SLC9A7: variants seen among roughly 807,000 people sequenced by gnomAD.
SLC9A7 encodes the protein sodium/hydrogen exchanger 7.
SLC9A7 carries 19 observed loss-of-function variants against 52.6 expected under a neutral mutation model. The ratio of observed to expected loss-of-function variants is 0.36; its 90% CI spans 0.25 to 0.53. The LOEUF (loss-of-function observed/expected upper bound fraction) is 0.53. Ranked by LOEUF, SLC9A7 falls within the 20% of genes least tolerant of loss-of-function variation. The probability of loss-of-function intolerance (pLI) is 0.91; values close to 1 mark genes in which losing one functional copy is unlikely to be tolerated. For synonymous variants in SLC9A7, 226 were observed against 252.1 expected, an observed-to-expected ratio of 0.90 and a Z score of 0.98; for missense variants, 455 against 597.9, an observed-to-expected ratio of 0.76 and a Z score of 2.49.
intron 1 of SLC9A7, among the ~76,000 whole-genome samples, chrX:46,746,999 A>C (rs1569526385): frequency 1.8e-5 from 2 of 112,341 alleles, no homozygotes; most frequent in Non-Finnish European, 1.9e-5. Flanking sequence ...AGTAGGATGG[A>C]TGGAACTGGA....
At chrX:46,659,873 C>T (rs1459749164) in intron 7 of SLC9A7, among the ~76,000 whole-genome samples, 1 of 101,668 alleles carries the variant, frequency 9.8e-6, no homozygotes, top group African/African-American at 3.7e-5. Flanking sequence ...GAAAAAACTA[C>T]TTTAAAGTTC....
intron 1 of SLC9A7, among the ~76,000 whole-genome samples, chrX:46,746,416 A>G (rs1300718486): frequency 9.0e-6 from 1 of 111,606 alleles, no homozygotes. Flanking sequence ...ATTAATAACC[A>G]GAATATATAA....
intron 7 of SLC9A7, among the ~76,000 whole-genome samples, chrX:46,655,395 G>A (rs757814940): frequency 3.3e-4 from 37 of 112,111 alleles, no homozygotes; most frequent in Non-Finnish European, 5.3e-4. Flanking sequence ...GAACAGCTCC[G>A]GTCTACAGCT....
chrX:46,679,713 G>A lies in SLC9A7; in HGVS notation c.568C>T (p.Pro190Ser). ...PEVFFNILLP[P>S]IIFHAGYSLK... ...CTGTATCCAGCATGAAAAATAATTG[G>A]AGGCAGAAGAATGTTGAAAAATACT... Residue 190 changes from proline (P) to serine (S), a missense_variant, in exon 3 of 17, where the codon CCA becomes TCA. Around this residue, in one of 3 missense-constraint regions of SLC9A7, gnomAD observed 304 missense variants for 417.8 expected, o/e 0.73. Transcript: ENST00000616978. 1 of 1,200,331 alleles carries A rather than the reference G, an allele frequency of 8.3e-7. No individual in the cohort carries two copies. Among genetic ancestry groups the A allele is most frequent in the Non-Finnish European group, 1.1e-6 (1 of 888,923 alleles).
intron 6 of SLC9A7, 146 bp downstream of exon 6, chrX:46,662,392 C>T (rs928697720): frequency 7.8e-6 from 4 of 514,729 alleles, no homozygotes; most frequent in South Asian, 3.6e-5. Context: ...CACAAAGCAA[C>T]GTAATTTTAT....
intron 1 of SLC9A7, among the ~76,000 whole-genome samples, chrX:46,747,524 G>A (rs376620049): frequency 9.1e-6 from 1 of 109,900 alleles, no homozygotes. Flanking sequence ...TAACAATTTG[G>A]GTTTCAAACT....
At chrX:46,612,633 A>G (rs763788864) in intron 16 of SLC9A7, among the ~76,000 whole-genome samples, 1 of 111,462 alleles carries the variant, frequency 9.0e-6, no homozygotes, top group East Asian at 2.8e-4. Context: ...ATAGATTAGA[A>G]AACTGAGATG....
chrX:46,662,613 T>G lies in SLC9A7; in HGVS notation c.824A>C (p.His275Pro). The G allele has an allele frequency of 1.7e-6, 2 of 1,209,470 alleles. No homozygotes were observed. The highest frequency in any genetic ancestry group is 3.0e-5 in the East Asian group (1 of 33,839). Residue 275 changes from histidine (H) to proline (P), a missense_variant, in exon 6 of 17, where the codon CAT (histidine) becomes CCT (proline). By Grantham distance (77) the His-to-Pro change is moderately conservative (BLOSUM62 -2). Transcript: ENST00000616978. ...AAGTGCGTAAAGATCCACGTCTGCA[T>G]GCAATTCATTAAATATCGCCAGCAC... ...VTVLAIFNEL[H>P]ADVDLYALLF...
chrX:46,714,278 T>C (rs1019224351), intron 1 of SLC9A7, among the ~76,000 whole-genome samples: 1 of 111,543 alleles, frequency 9.0e-6, no homozygotes, highest in Non-Finnish European at 1.9e-5. Flanking sequence ...ACTGTAGAAG[T>C]AGGATTCCAA....
In SLC9A7 at chrX:46,686,058, A is replaced by G. The variant is rs141762956; in HGVS notation, c.326-3523T>C. 2.3e-3 allele frequency among the ~76,000 whole-genome samples: 260 copies of G among 112,268 alleles called. 2 individuals are homozygous for G. The highest frequency in any genetic ancestry group is 8.1e-3 in the African/African-American group (250 of 30,947). On this transcript the variant is annotated intron_variant, in intron 1 of 16. Transcript: ENST00000616978. Reference sequence around the variant, plus strand: ...GTTTATATTTGTAGACAAATTCCTCAATTAGAGGAAACATTCTTCAACTCT... The same window carrying G: ...GTTTATATTTGTAGACAAATTCCTCGATTAGAGGAAACATTCTTCAACTCT...
chrX:46,599,701 T>TTTAA lies in SLC9A7; in HGVS notation c.*7247_*7250dup, dbSNP rs1208650930. 2.7e-5 allele frequency: 3 copies of TTTAA among 111,678 alleles called. No individual in the cohort carries two copies. The highest frequency in any genetic ancestry group is 2.8e-4 in the East Asian group (1 of 3,580). 9.2% of individuals were successfully genotyped at this position (111,678 alleles called of 1,213,427 possible). A position where few individuals can be genotyped will look rare whatever the true frequency, so the allele number is the denominator to read the frequency against. On this transcript the variant is annotated 3_prime_UTR_variant, in exon 17 of 17. Coordinates refer to ENST00000616978, the MANE Select transcript of SLC9A7 (RefSeq NM_001257291.2). ...TAAAGGTTGTGGATAACGCCAAGTC[T>TTTAA]TTAATTTTTCACAGTTATACTTTAA...
chrX:46,647,054 C>A, intron 11 of SLC9A7: 1 of 324,516 alleles, frequency 3.1e-6, no homozygotes, highest in Non-Finnish European at 5.9e-6. Context: ...GTCGGTCAGA[C>A]CACCAGAGTG....
chrX:46,672,691 AAC>A, intron 3 of SLC9A7, 64 bp from the exon 4 acceptor site: 1 of 835,463 alleles, frequency 1.2e-6, no homozygotes, highest in Non-Finnish European at 1.8e-6. Flanking sequence ...GAGCTTAAGA[AAC>A]ACATTAAAAG....
At chrX:46,716,240 G>C (rs1944766625) in intron 1 of SLC9A7, among the ~76,000 whole-genome samples, 1 of 111,504 alleles carries the variant, frequency 9.0e-6, no homozygotes, top group Non-Finnish European at 1.9e-5. Context: ...GGGATAAGTG[G>C]TAAGGTGAGA....
intron 2 of SLC9A7, among the ~76,000 whole-genome samples, chrX:46,681,391 T>C (rs1033576279): frequency 2.7e-5 from 3 of 112,419 alleles, no homozygotes; most frequent in African/African-American, 9.7e-5. Context: ...GAAAACCCCA[T>C]GCTTTCTTAT....
intron 1 of SLC9A7, chrX:46,725,541 T>C: frequency 1.0e-6 from 1 of 953,265 alleles, no homozygotes. Flanking sequence ...GATGGTATAA[T>C]TGGCTTGTTC....
chrX:46,635,720 C>A, intron 12 of SLC9A7, 72 bp from the exon 13 acceptor site: 2 of 743,801 alleles, frequency 2.7e-6, no homozygotes, highest in Non-Finnish European at 4.2e-6. Context: ...GGCAAATGAT[C>A]TGGACCATGT....
chrX:46,657,652 C>A (rs1459770863), intron 7 of SLC9A7, among the ~76,000 whole-genome samples: 2 of 110,246 alleles, frequency 1.8e-5, no homozygotes, highest in Non-Finnish European at 3.8e-5. Flanking sequence ...GTAAAGGGAT[C>A]AATTCAACAA....
At chrX:46,697,914 C>T (rs896519433) in intron 1 of SLC9A7, among the ~76,000 whole-genome samples, 22 of 111,479 alleles carry the variant, frequency 2.0e-4, no homozygotes, top group African/African-American at 7.2e-4. Context: ...GGGTGGGTCC[C>T]TGAACTGGCC....
Sources: gnomAD v4.1 joint callset for allele counts (sites outside exome capture counted in the v4.1 genomes callset) on GRCh38, gnomAD v4.1.1 for gene constraint, gnomAD v4.1.1 regional missense constraint, MANE v1.5 for transcripts, NCBI Gene and HGNC (gene_info 2026-07-23, HGNC 2026-07-21) for gene names.